Variants in ANTXR1 observed in about 807,000 individuals in gnomAD.
ANTXR1 encodes ANTXR cell adhesion molecule 1.
Under a neutral mutation model 78.1 loss-of-function variants are expected in ANTXR1, and 19 were observed. That is an observed-to-expected ratio of 0.24 (90% CI 0.17 to 0.36). The LOEUF (loss-of-function observed/expected upper bound fraction) is 0.36. ANTXR1 is among the 10% of genes least tolerant of loss of function. ANTXR1 has a pLI of 1.00. For missense variants in ANTXR1, 518 were observed against 718.6 expected, an observed-to-expected ratio of 0.72 and a Z score of 3.19; for synonymous variants, 273 against 260.5, an observed-to-expected ratio of 1.05 and a Z score of -0.46.
chr2:69,025,769 C>T (rs1671322794), intron 1 of ANTXR1, among the ~76,000 whole-genome samples: 1 of 152,190 alleles, frequency 6.6e-6, no homozygotes, highest in Admixed American at 6.5e-5. Context: ...AACAGAGTGA[C>T]CAAACATCCT....
At chr2:69,218,303 A>C (rs145518412) in intron 17 of ANTXR1, among the ~76,000 whole-genome samples, 62 of 152,296 alleles carry the variant, frequency 4.1e-4, no homozygotes, top group South Asian at 1.2e-3. Context: ...CTCAAGCTGA[A>C]GGCAATAATA....
At chr2:69,039,765 C>G (rs1250851857) in intron 1 of ANTXR1, among the ~76,000 whole-genome samples, 2 of 151,570 alleles carry the variant, frequency 1.3e-5, no homozygotes, top group African/African-American at 4.9e-5. Context: ...TCTTTGGGCC[C>G]AGCGTTTGTT....
rs146407544 is a variant in ANTXR1 at position 69,179,318 on chromosome 2, G to C, written c.1090-2468G>C. Reference sequence around the variant, plus strand: ...TCCCAGCACATTGGGAGGCTGAGGTGAGAGGATCACTTGAGCCCAGGAGTT... The same window carrying C: ...TCCCAGCACATTGGGAGGCTGAGGTCAGAGGATCACTTGAGCCCAGGAGTT... On this transcript the variant is annotated intron_variant, in intron 14 of 17. Coordinates refer to ENST00000303714, the MANE Select transcript of ANTXR1 (RefSeq NM_032208.3). 3.9e-3 allele frequency among the ~76,000 whole-genome samples: 588 copies of C among 152,246 alleles called. 4 individuals carry two copies. The highest frequency in any genetic ancestry group is 0.014 in the African/African-American group (565 of 41,532).
Position 69,181,830 on chromosome 2 carries a change from A to G in ANTXR1, c.1134A>G (p.Val378=). 6.2e-7 allele frequency: 1 copy of G among 1,614,180 alleles called. No individual in the cohort carries two copies. Among genetic ancestry groups the G allele is most frequent in the Non-Finnish European group, 8.5e-7 (1 of 1,180,020 alleles). The change falls in exon 15 of 18, where the codon GTA becomes GTG. Residue 378 remains valine (V), a synonymous_variant. Coordinates refer to ENST00000303714, the MANE Select transcript of ANTXR1 (RefSeq NM_032208.3). ...DGLPKKKWPT[V]DASYYGGRGV... ...TGCCTAAGAAAAAGTGGCCAACGGT[A>G]GACGCCTCTTATTATGGTGGGAGAG...
chr2:69,182,080 G>T (rs913482320), intron 15 of ANTXR1, 199 bp downstream of exon 15: 1 of 620,836 alleles, frequency 1.6e-6, no homozygotes, highest in Non-Finnish European at 2.9e-6. Flanking sequence ...GATATGGATT[G>T]TAAGGCAGAC....
intron 13 of ANTXR1, 61 bp from the exon 14 acceptor site, chr2:69,170,187 G>C: frequency 1.3e-6 from 2 of 1,589,280 alleles, no homozygotes; most frequent in Non-Finnish European, 1.7e-6. Flanking sequence ...CTGACAGCAA[G>C]CCTCTTAGGA....
intron 17 of ANTXR1, among the ~76,000 whole-genome samples, chr2:69,194,630 A>G (rs1674620431): frequency 6.6e-6 from 1 of 152,174 alleles, no homozygotes; most frequent in Admixed American, 6.5e-5. Flanking sequence ...AGGCAGGTAG[A>G]TCACTTGAGG....
intron 17 of ANTXR1, among the ~76,000 whole-genome samples, chr2:69,218,354 T>C (rs1182528353): frequency 6.6e-6 from 1 of 151,882 alleles, no homozygotes; most frequent in Non-Finnish European, 1.5e-5. Context: ...TTTTCAGTTC[T>C]GGAAAAAAAG....
intron 5 of ANTXR1, among the ~76,000 whole-genome samples, chr2:69,072,099 A>G (rs772484773): frequency 2.6e-5 from 4 of 152,208 alleles, no homozygotes; most frequent in Non-Finnish European, 5.9e-5. Flanking sequence ...ATAGGTTAGT[A>G]AAGTCTTGGA....
At chr2:69,136,962 G>A (rs75370758) in intron 12 of ANTXR1, among the ~76,000 whole-genome samples, 10,440 of 152,174 alleles carry the variant, frequency 0.069, 407 homozygotes, top group African/African-American at 0.1. Flanking sequence ...AGAAATCATT[G>A]ATCAAGAGAA....
rs533097030 is a variant in ANTXR1, at chr2:69,065,295, C to T, written c.297-5352C>T. Among the ~76,000 whole-genome samples the T allele has an allele frequency of 1.1e-4, 17 of 151,714 alleles. No individual in the cohort carries two copies. In the East Asian group the frequency reaches 2.7e-3, roughly 24 times the overall value. On this transcript the variant is annotated intron_variant, in intron 3 of 17. Transcript: ENST00000303714. ...AAAAAATTAGCCAGGTGTGGTGGCACGCACCTGTAGTCCCAGCTACTCAGG... is the reference window on the plus strand; with the variant it reads ...AAAAAATTAGCCAGGTGTGGTGGCATGCACCTGTAGTCCCAGCTACTCAGG...
At chr2:69,229,408 G>T (rs999551090) in intron 17 of ANTXR1, among the ~76,000 whole-genome samples, 4 of 152,144 alleles carry the variant, frequency 2.6e-5, no homozygotes, top group Non-Finnish European at 4.4e-5. Flanking sequence ...TATGGAGCGG[G>T]ATGATATCAG....
At chr2:69,063,147 A>C (rs1670294208) in intron 3 of ANTXR1, among the ~76,000 whole-genome samples, 1 of 151,914 alleles carries the variant, frequency 6.6e-6, no homozygotes, top group African/African-American at 2.4e-5. Context: ...TATTTGTGTA[A>C]TTGGAATACC....
At chr2:69,186,935 G>T (rs1023604376) in intron 16 of ANTXR1, among the ~76,000 whole-genome samples, 2 of 152,122 alleles carry the variant, frequency 1.3e-5, no homozygotes, top group Non-Finnish European at 1.5e-5. Flanking sequence ...CCATCCACTC[G>T]CTGCCTGCCT....
At chr2:69,124,310 G>A (rs752101816) in intron 11 of ANTXR1, among the ~76,000 whole-genome samples, 4 of 152,190 alleles carry the variant, frequency 2.6e-5, no homozygotes, top group African/African-American at 7.2e-5. Context: ...ATGCCGGAAC[G>A]TCTGAATGCA....
intron 13 of ANTXR1, among the ~76,000 whole-genome samples, chr2:69,164,521 G>C (rs1244632778): frequency 6.6e-6 from 1 of 152,208 alleles, no homozygotes; most frequent in East Asian, 1.9e-4. Flanking sequence ...CAGGAGATAA[G>C]TATGCCCATG....
At chr2:69,204,126 T>C (rs1054937598) in intron 17 of ANTXR1, among the ~76,000 whole-genome samples, 1 of 152,162 alleles carries the variant, frequency 6.6e-6, no homozygotes, top group Non-Finnish European at 1.5e-5. Flanking sequence ...CTCCTCCAGC[T>C]GATGGCACCA....
At chr2:69,190,534 T>C (rs1419082756) in intron 16 of ANTXR1, among the ~76,000 whole-genome samples, 1 of 152,208 alleles carries the variant, frequency 6.6e-6, no homozygotes, top group Non-Finnish European at 1.5e-5. Context: ...ATGAGGCAAG[T>C]ACCTAACTTC....
At chr2:69,021,925 G>GAT (rs751561927) in intron 1 of ANTXR1, among the ~76,000 whole-genome samples, 39 of 152,326 alleles carry the variant, frequency 2.6e-4, no homozygotes, top group Non-Finnish European at 4.4e-4. Flanking sequence ...AAGAGGCAAT[G>GAT]ATAGCTCCTT....
Sources: allele counts gnomAD v4.1 joint callset (sites outside exome capture counted in the v4.1 genomes callset), GRCh38; gene constraint gnomAD v4.1.1; transcripts MANE v1.5; gene names NCBI Gene and HGNC (gene_info 2026-07-23, HGNC 2026-07-21).